Variants in RHEB observed in about 807,000 individuals in gnomAD.
RHEB encodes GTP-binding protein Rheb.
A neutral mutation model predicts 28.8 loss-of-function variants in RHEB; 2 were observed. The observed-to-expected ratio is 0.07, with a 90% CI of 0.03 to 0.22. The LOEUF (loss-of-function observed/expected upper bound fraction) is 0.22, where lower values mean the gene tolerates loss of function less well. RHEB is among the 10% of genes least tolerant of loss of function. The pLI is 1.00. For synonymous variants in RHEB, 69 were observed against 77.3 expected (o/e 0.89, Z 0.56); for missense variants, 76 against 219.9 (o/e 0.35, Z 4.14).
Position 151,466,370 on chromosome 7 carries a change from T to C in RHEB, c.*749A>G, listed in dbSNP as rs2150917865. The C allele has an allele frequency of 6.6e-6, 1 of 152,402 alleles. No homozygotes were observed. The highest frequency in any genetic ancestry group is 1.9e-4 in the East Asian group (1 of 5,192). The allele number at this position is 152,402 out of a possible 1,614,324, so 9.4% of individuals were successfully genotyped here. A position where few individuals can be genotyped will look rare whatever the true frequency, so the allele number is the denominator to read the frequency against. On this transcript the variant is annotated 3_prime_UTR_variant, in exon 8 of 8. Transcript: ENST00000262187. ...GCTATGAGCAAGGGCGAACAATGCC[T>C]CTCAGCAGCTCCTCCTCCTTGACCA...
chr7:151,518,347 G>A (rs1464744178), intron 1 of RHEB, among the ~76,000 whole-genome samples: 1 of 152,162 alleles, frequency 6.6e-6, no homozygotes, highest in Non-Finnish European at 1.5e-5. Context: ...CGGCAGGCAG[G>A]TACAAGCTTC....
chr7:151,484,904 A>T, intron 2 of RHEB, 100 bp from the exon 3 acceptor site: 1 of 720,176 alleles, frequency 1.4e-6, no homozygotes, highest in South Asian at 1.7e-5. Flanking sequence ...AGTCCCTAGC[A>T]GTCTCAGAGA....
At chr7:151,483,828 C>T (rs763445132) in intron 3 of RHEB, among the ~76,000 whole-genome samples, 8 of 152,194 alleles carry the variant, frequency 5.3e-5, no homozygotes, top group Non-Finnish European at 1.2e-4. Flanking sequence ...TAAAAGCAGG[C>T]CTGGATGTCA....
At position 151,491,512 on chromosome 7, in the gene RHEB, G is replaced by A. The variant is rs547452081; in HGVS notation, c.53-498C>T. On this transcript the variant is annotated intron_variant, in intron 1 of 7. Coordinates refer to ENST00000262187, the MANE Select transcript of RHEB (RefSeq NM_005614.4). ...GCACTTTGGGAGGCTGAGGCAGACG[G>A]ATCACCTGAGGTCAGGAGTTTGAGA... Among the ~76,000 whole-genome samples the A allele has an allele frequency of 1.6e-4, 25 of 152,272 alleles. No individual in the cohort carries two copies. The South Asian group carries it at 5.2e-3, about 32-fold the overall frequency.
In RHEB at chr7:151,468,398, C is replaced by T. The variant is rs956221246; in HGVS notation, c.463-1187G>A. Reference sequence around the variant, plus strand: ...CCTTCCCTACCAACTGTCGCTGGCACGGTGCCCGCGGCCACACCGTAAACG... The same window carrying T: ...CCTTCCCTACCAACTGTCGCTGGCATGGTGCCCGCGGCCACACCGTAAACG... On this transcript the variant is annotated intron_variant, in intron 7 of 7. Coordinates refer to ENST00000262187, the MANE Select transcript of RHEB (RefSeq NM_005614.4). The surrounding 1 kb of genome is among the most constrained non-coding windows in gnomAD (Gnocchi z 4.3). Among the ~76,000 whole-genome samples the T allele has an allele frequency of 2.0e-5, 3 of 152,202 alleles. No individual in the cohort carries two copies. The highest frequency in any genetic ancestry group is 4.8e-5 in the African/African-American group (2 of 41,438).
chr7:151,482,209 A>G (rs890169376), intron 3 of RHEB, among the ~76,000 whole-genome samples: 2 of 152,234 alleles, frequency 1.3e-5, no homozygotes, highest in African/African-American at 4.8e-5. Flanking sequence ...AGTTATCACT[A>G]TTTATAGATA....
At chr7:151,469,746 A>T (rs1802126760) in intron 7 of RHEB, among the ~76,000 whole-genome samples, 2 of 152,168 alleles carry the variant, frequency 1.3e-5, no homozygotes, top group South Asian at 2.1e-4. Context: ...GGTGTGTTTA[A>T]GGAAGGGAGC....
chr7:151,511,572 C>CTT (rs534393798), intron 1 of RHEB, among the ~76,000 whole-genome samples: 2 of 145,912 alleles, frequency 1.4e-5, no homozygotes, highest in Non-Finnish European at 3.0e-5. Flanking sequence ...ACAGGAACTC[C>CTT]TTTTTTTTTT....
rs187150109 is a variant in RHEB, at chr7:151,476,647, G to A, written c.275+686C>T. ...AGAGTAGCAAACTCCCTAACATGTCGCACACACTCAATAGATGCTACGTAG... is the reference window on the plus strand; with the variant it reads ...AGAGTAGCAAACTCCCTAACATGTCACACACACTCAATAGATGCTACGTAG... On this transcript the variant is annotated intron_variant, in intron 4 of 7. Coordinates refer to ENST00000262187, the MANE Select transcript of RHEB (RefSeq NM_005614.4). Among the ~76,000 whole-genome samples, 7 of 152,124 alleles carry A rather than the reference G, an allele frequency of 4.6e-5. No homozygotes were observed. In the East Asian group the frequency reaches 7.7e-4, roughly 17 times the overall value.
intron 3 of RHEB, among the ~76,000 whole-genome samples, chr7:151,477,659 A>C (rs1440977631): frequency 6.6e-6 from 1 of 152,206 alleles, no homozygotes; most frequent in East Asian, 1.9e-4. Flanking sequence ...GATGACCTTC[A>C]TAATTTCTGG....
In RHEB at chr7:151,471,380, T is replaced by C. The variant is rs367658050; in HGVS notation, c.380+14A>G. On this transcript the variant is annotated intron_variant, in intron 6 of 7. Coordinates refer to ENST00000262187, the MANE Select transcript of RHEB (RefSeq NM_005614.4). ...CTAAATCATCTTAGATTTGACTTTA[T>C]AAAAGCTACATACCTTTCCATATGC... 1.7e-4 allele frequency: 256 copies of C among 1,490,424 alleles called. 1 individual carries two copies. Among genetic ancestry groups the C allele is most frequent in the Non-Finnish European group, 2.4e-4 (254 of 1,075,404 alleles). 92.3% of individuals were successfully genotyped at this position (1,490,424 alleles called of 1,614,324 possible).
At chr7:151,491,320 C>A (rs560680412) in intron 1 of RHEB, among the ~76,000 whole-genome samples, 53 of 152,262 alleles carry the variant, frequency 3.5e-4, no homozygotes, top group African/African-American at 1.2e-3. Flanking sequence ...TTAAAGTAAG[C>A]TAATTTCCTC....
intron 1 of RHEB, among the ~76,000 whole-genome samples, chr7:151,492,292 AT>A (rs1270109377): frequency 6.6e-6 from 1 of 152,154 alleles, no homozygotes; most frequent in Non-Finnish European, 1.5e-5. Context: ...ATTCCTTAAA[AT>A]TTAAATTATT....
At chr7:151,502,751 G>C in intron 1 of RHEB, 1 of 1,529,860 alleles carries the variant, frequency 6.5e-7, no homozygotes. Flanking sequence ...GTTTAAAAAT[G>C]GAAAAGCGAC....
intron 2 of RHEB, among the ~76,000 whole-genome samples, chr7:151,487,997 C>T (rs1802512558): frequency 6.6e-6 from 1 of 152,206 alleles, no homozygotes; most frequent in Non-Finnish European, 1.5e-5. Flanking sequence ...GGACGCAGTG[C>T]CTTGAGAATG....
chr7:151,481,326 C>T (rs755451470), intron 3 of RHEB, among the ~76,000 whole-genome samples: 1 of 152,186 alleles, frequency 6.6e-6, no homozygotes, highest in African/African-American at 2.4e-5. Flanking sequence ...CCGACATAAA[C>T]TACTAAGTAG....
chr7:151,508,636 T>TG (rs1218069448), intron 1 of RHEB, among the ~76,000 whole-genome samples: 1 of 149,980 alleles, frequency 6.7e-6, no homozygotes, highest in East Asian at 1.9e-4. Context: ...TATTTTTAGT[T>TG]TTTTTTTTTT....
rs918018288 is a variant in RHEB, at chr7:151,519,837, G to A, written c.-326C>T. The A allele has an allele frequency of 1.3e-5, 3 of 236,602 alleles. No homozygotes were observed. The highest frequency in any genetic ancestry group is 5.7e-5 in the Admixed American group (1 of 17,552). The allele number at this position is 236,602 out of a possible 1,614,324, so 14.7% of individuals were successfully genotyped here. A position where few individuals can be genotyped will look rare whatever the true frequency, so the allele number is the denominator to read the frequency against. ...GTTTTACTTTAAAGGCAAAAAAAGG[G>A]GACGCCGCGATGCCCCCAGAAAAGT... On this transcript the variant is annotated 5_prime_UTR_variant, in exon 1 of 8. Coordinates refer to ENST00000262187, the MANE Select transcript of RHEB (RefSeq NM_005614.4).
At chr7:151,511,314 T>C (rs1802984353) in intron 1 of RHEB, among the ~76,000 whole-genome samples, 1 of 152,182 alleles carries the variant, frequency 6.6e-6, no homozygotes, top group Non-Finnish European at 1.5e-5. Context: ...CAACTTCTCT[T>C]TCAAATGTCC....
Sources: gnomAD v4.1 joint callset for allele counts (sites outside exome capture counted in the v4.1 genomes callset) on GRCh38, gnomAD v4.1.1 for gene constraint, Gnocchi (gnomAD v3.1) non-coding constraint, MANE v1.5 for transcripts, NCBI Gene and HGNC (gene_info 2026-07-23, HGNC 2026-07-21) for gene names.